The following VPS13C variants were observed in gnomAD, a reference collection of about 807,000 sequenced individuals.
The protein encoded by VPS13C is vacuolar protein sorting 13 homolog C.
VPS13C carries 358 observed loss-of-function variants against 456.8 expected under a neutral mutation model. The ratio of observed to expected loss-of-function variants is 0.78; its 90% CI spans 0.72 to 0.86. The LOEUF (loss-of-function observed/expected upper bound fraction) is 0.86. Ranked by LOEUF, VPS13C falls within the 40% of genes least tolerant of loss-of-function variation. The pLI, the probability that VPS13C is intolerant of heterozygous loss-of-function variation, is 0.00. For missense variants in VPS13C, 4,818 were observed against 4,385.4 expected (o/e 1.10, Z -2.79); for synonymous variants, 1,578 against 1,486.7 (o/e 1.06, Z -1.41).
At chr15:62,035,488 A>G (rs2047962239) in intron 3 of VPS13C, among the ~76,000 whole-genome samples, 12 of 152,012 alleles carry the variant, frequency 7.9e-5, no homozygotes, top group Admixed American at 7.9e-4. Flanking sequence ...AATATTGCAC[A>G]TGCTCTTCTA....
rs112569341 is a variant in VPS13C, at chr15:61,949,455, C to A, written c.4747G>T (p.Ala1583Ser). The A allele has an allele frequency of 1.2e-6, 2 of 1,609,606 alleles. No individual in the cohort carries two copies. Among genetic ancestry groups the A allele is most frequent in the South Asian group, 1.1e-5 (1 of 89,520 alleles). Residue 1583 changes from alanine (A) to serine (S), a missense_variant, in exon 42 of 85, where the codon GCT becomes TCT. Ala to Ser is a moderately conservative substitution (Grantham distance 99). Coordinates refer to ENST00000644861, the MANE Select transcript of VPS13C (RefSeq NM_020821.3). ...KPLVGESRSIAVKAVSSNISQ... is the reference protein window; with the variant it reads ...KPLVGESRSISVKAVSSNISQ... ...CAAAAATTATTACCAGCTTTGACAG[C>A]GATACTTCTGGACTCCCCCACAAGT... is the stretch of plus-strand genomic sequence containing the variant.
At position 61,853,064 on chromosome 15, in the gene VPS13C, T is replaced by G. The variant is rs1378525482; in HGVS notation, c.*1393A>C. The G allele has an allele frequency of 6.6e-6, 1 of 152,164 alleles. No homozygotes were observed. The highest frequency in any genetic ancestry group is 1.5e-5 in the Non-Finnish European group (1 of 68,004). 9.4% of individuals were successfully genotyped at this position (152,164 alleles called of 1,614,324 possible). Reference sequence around the variant, plus strand: ...CAAAAAACTTACATATTTTTGAGTATTTTTTAAAGTTTTAATAGTTTATCT... The same window carrying G: ...CAAAAAACTTACATATTTTTGAGTAGTTTTTAAAGTTTTAATAGTTTATCT... On this transcript the variant is annotated 3_prime_UTR_variant, in exon 85 of 85. Coordinates refer to ENST00000644861, the MANE Select transcript of VPS13C (RefSeq NM_020821.3).
intron 66 of VPS13C, among the ~76,000 whole-genome samples, chr15:61,896,870 G>C (rs12900999): frequency 0.32 from 48,124 of 150,288 alleles, 8,144 homozygotes; most frequent in Non-Finnish European, 0.39. Context: ...GCTTTGAAGA[G>C]AGCAGTGGTT....
chr15:61,882,809 T>C, intron 68 of VPS13C, 73 bp from the exon 69 acceptor site: 3 of 1,414,656 alleles, frequency 2.1e-6, no homozygotes, highest in Non-Finnish European at 2.8e-6. Context: ...AATATCTGTT[T>C]ATTGATCAAA....
chr15:62,022,898 G>C (rs1256030258), intron 8 of VPS13C, among the ~76,000 whole-genome samples: 2 of 151,808 alleles, frequency 1.3e-5, no homozygotes, highest in Non-Finnish European at 2.9e-5. Context: ...TACTCTTTTG[G>C]TTATGAGTGA....
intron 24 of VPS13C, among the ~76,000 whole-genome samples, chr15:61,976,166 G>A (rs1159188160): frequency 6.6e-6 from 1 of 151,884 alleles, no homozygotes; most frequent in Non-Finnish European, 1.5e-5. Flanking sequence ...CAAATTTTTG[G>A]TCTTTGGATT....
intron 74 of VPS13C, among the ~76,000 whole-genome samples, chr15:61,877,285 A>G (rs1331069317): frequency 9.9e-5 from 15 of 151,920 alleles, no homozygotes; most frequent in Admixed American, 5.3e-4. Flanking sequence ...GTCAACCATC[A>G]TCCCATCACA....
rs114753573 is a variant in VPS13C, at chr15:61,858,905, T to C, written c.10953-2496A>G. On this transcript the variant is annotated intron_variant, in intron 82 of 84. Transcript: ENST00000644861. The surrounding 1 kb of genome is among the most constrained non-coding windows in gnomAD (Gnocchi z 4.4). ...TGTATACAGTCTCTAACTGGTCTCC[T>C]TGCCTCTGGACTGATTCTCTTCCAG... Among the ~76,000 whole-genome samples, 280 of 152,330 alleles carry C rather than the reference T, an allele frequency of 1.8e-3. 2 individuals carry two copies. The highest frequency in any genetic ancestry group is 6.6e-3 in the African/African-American group (276 of 41,584).
chr15:61,907,720 C>T (rs969963615), intron 65 of VPS13C, among the ~76,000 whole-genome samples: 1 of 152,142 alleles, frequency 6.6e-6, no homozygotes, highest in Non-Finnish European at 1.5e-5. Flanking sequence ...TGTTTAGTAG[C>T]AGAAGAACTT....
chr15:62,040,616 T>G (rs777616330), intron 3 of VPS13C, among the ~76,000 whole-genome samples: 1 of 152,038 alleles, frequency 6.6e-6, no homozygotes, highest in Non-Finnish European at 1.5e-5. Flanking sequence ...AAGTTCAATA[T>G]CTGAGTGACA....
At chr15:62,042,168 T>C (rs2048263729) in intron 2 of VPS13C, among the ~76,000 whole-genome samples, 2 of 152,202 alleles carry the variant, frequency 1.3e-5, no homozygotes, top group African/African-American at 4.8e-5. Context: ...AATTAGTATT[T>C]CGTTTAGATA....
At position 61,983,992 on chromosome 15, in the gene VPS13C, T is replaced by C. The variant is rs749232309; in HGVS notation, c.1742A>G (p.His581Arg). ...CTGTCTCAAACCTGTTATATACCAG[T>C]GTTCTAATTTCGCTTCTACCCTATA... ...QALKVEAKLE[H>R]WYITGLRQQD... Residue 581 changes from histidine (H) to arginine (R), a missense_variant, in exon 20 of 85, where the codon CAC (histidine) becomes CGC (arginine). Physicochemically the swap from His to Arg is conservative, Grantham distance 29 (BLOSUM62 0). Around this residue, in one of 3 missense-constraint regions of VPS13C, gnomAD observed 4,552 missense variants for 4,130.6 expected, o/e 1.10. Transcript: ENST00000644861. 9 of 1,613,660 alleles carry C rather than the reference T, an allele frequency of 5.6e-6. No homozygotes were observed. Among genetic ancestry groups the C allele is most frequent in the Non-Finnish European group, 7.6e-6 (9 of 1,179,796 alleles).
intron 16 of VPS13C, among the ~76,000 whole-genome samples, chr15:61,999,190 C>A (rs549807942): frequency 5.3e-5 from 8 of 152,152 alleles, no homozygotes; most frequent in Admixed American, 2.0e-4. Flanking sequence ...ACCAGCCTGG[C>A]CAATGTGGTG....
At chr15:61,968,146 T>C (rs2045436852) in intron 28 of VPS13C, among the ~76,000 whole-genome samples, 1 of 152,040 alleles carries the variant, frequency 6.6e-6, no homozygotes, top group African/African-American at 2.4e-5. Context: ...AAAATATTTT[T>C]CTTCTAAATT....
At position 61,873,335 on chromosome 15, in the gene VPS13C, C is replaced by G; in HGVS notation, c.10489G>C (p.Glu3497Gln). ...TCTTCTCTTCTTTTTTGCTGATATT[C>G]CTTGTCCATTGTAATTGCTGCCAAA... ...KGLAAITMDK[E>Q]YQQKRREELS... Residue 3497 changes from glutamate to glutamine, a missense_variant, in exon 78 of 85, where the codon GAA (glutamate) becomes CAA (glutamine). Physicochemically the swap from Glu to Gln is conservative, Grantham distance 29 (BLOSUM62 2). Transcript: ENST00000644861. 1.9e-6 allele frequency: 3 copies of G among 1,613,746 alleles called. No individual in the cohort carries two copies. The highest frequency in any genetic ancestry group is 2.5e-6 in the Non-Finnish European group (3 of 1,179,794).
intron 66 of VPS13C, among the ~76,000 whole-genome samples, chr15:61,901,720 T>C (rs2043002964): frequency 2.0e-5 from 3 of 151,968 alleles, no homozygotes; most frequent in Admixed American, 1.3e-4. Flanking sequence ...CTCAGGGATC[T>C]AGAACTAGAA....
intron 66 of VPS13C, among the ~76,000 whole-genome samples, chr15:61,902,202 G>A (rs548315605): frequency 6.6e-6 from 1 of 150,838 alleles, no homozygotes; most frequent in East Asian, 2.0e-4. Flanking sequence ...CATGGCACAT[G>A]TATACATATG....
rs376312228 is a variant in VPS13C, at chr15:62,016,016, T to G, written c.685-2024A>C. Among the ~76,000 whole-genome samples, 74 of 149,066 alleles carry G rather than the reference T, an allele frequency of 5.0e-4. No homozygotes were observed. The East Asian group carries it at 0.012, about 24-fold the overall frequency. ...TCCTTCACTGCCTTTCCTTTGTTTC[T>G]TCAGCTCTCTCTTTTTCTTTATTGT... On this transcript the variant is annotated intron_variant, in intron 9 of 84. Transcript: ENST00000644861.
At chr15:62,048,070 T>G (rs1208964137) in intron 1 of VPS13C, among the ~76,000 whole-genome samples, 2 of 119,012 alleles carry the variant, frequency 1.7e-5, no homozygotes, top group African/African-American at 4.7e-5. Context: ...GGTTTTTTGG[T>G]TTTTTTTTTT....
Sources: gnomAD v4.1 joint callset for allele counts (sites outside exome capture counted in the v4.1 genomes callset) on GRCh38, gnomAD v4.1.1 for gene constraint, gnomAD v4.1.1 regional missense constraint, Gnocchi (gnomAD v3.1) non-coding constraint, MANE v1.5 for transcripts, NCBI Gene and HGNC (gene_info 2026-07-23, HGNC 2026-07-21) for gene names.